The following ADK variants were observed in gnomAD, a reference collection of about 807,000 sequenced individuals.
The protein encoded by ADK is adenosine kinase, also known as N6,N6-dimethyladenosine kinase.
A neutral mutation model predicts 44.7 loss-of-function variants in ADK; 24 were observed. The observed-to-expected ratio is 0.54, with a 90% CI of 0.39 to 0.76. The LOEUF (loss-of-function observed/expected upper bound fraction) is 0.76, where lower values mean the gene tolerates loss of function less well. Ranked by LOEUF, ADK falls within the 30% of genes least tolerant of loss-of-function variation. ADK has a pLI of 0.00. For missense variants in ADK, 321 were observed against 425.1 expected (o/e 0.76, Z 2.15); for synonymous variants, 128 against 142.6 (o/e 0.90, Z 0.73).
intron 7 of ADK, among the ~76,000 whole-genome samples, chr10:74,539,020 G>T (rs1849544111): frequency 6.6e-6 from 1 of 151,912 alleles, no homozygotes; most frequent in Non-Finnish European, 1.5e-5. Context: ...TCTTCTTTTG[G>T]TTAAGAGCCT....
chr10:74,177,938 TATATATA>T (rs1276784610), intron 1 of ADK, among the ~76,000 whole-genome samples: 1 of 95,464 alleles, frequency 1.0e-5, no homozygotes, highest in African/African-American at 4.1e-5. Flanking sequence ...TATATATATA[TATATATA>T]TTTTTTTTTT....
intron 6 of ADK, among the ~76,000 whole-genome samples, chr10:74,482,467 C>T (rs1392728389): frequency 6.6e-6 from 1 of 152,120 alleles, no homozygotes; most frequent in Admixed American, 6.6e-5. Flanking sequence ...AGAACTAAAC[C>T]ATATCATTCT....
At chr10:74,188,546 G>A (rs1457378544) in intron 1 of ADK, among the ~76,000 whole-genome samples, 1 of 151,554 alleles carries the variant, frequency 6.6e-6, no homozygotes, top group Non-Finnish European at 1.5e-5. Flanking sequence ...CAGAGACGGG[G>A]TTTCACCGTG....
intron 3 of ADK, among the ~76,000 whole-genome samples, chr10:74,279,345 T>G (rs569686001): frequency 2.0e-5 from 3 of 151,798 alleles, no homozygotes; most frequent in Admixed American, 6.6e-5. Context: ...ATCCCAGCAC[T>G]TTGGGAGGCT....
chr10:74,331,123 A>G (rs926704237), intron 4 of ADK, among the ~76,000 whole-genome samples: 5 of 152,166 alleles, frequency 3.3e-5, no homozygotes, highest in African/African-American at 1.2e-4. Flanking sequence ...TGCAGCTAAT[A>G]TTTTACACCC....
At chr10:74,612,221 A>T (rs1852580196) in intron 9 of ADK, among the ~76,000 whole-genome samples, 1 of 152,122 alleles carries the variant, frequency 6.6e-6, no homozygotes, top group Non-Finnish European at 1.5e-5. Flanking sequence ...ATTATTAGTG[A>T]TGTGGAACAT....
At chr10:74,682,250 G>T (rs532229927) in intron 10 of ADK, among the ~76,000 whole-genome samples, 2 of 152,250 alleles carry the variant, frequency 1.3e-5, no homozygotes, top group East Asian at 3.9e-4. Flanking sequence ...TGGGCTTTTG[G>T]TTTTGTTTTT....
chr10:74,617,253 A>G (rs16931538), intron 9 of ADK, among the ~76,000 whole-genome samples: 3,104 of 152,262 alleles, frequency 0.02, 111 homozygotes, highest in African/African-American at 0.069. Flanking sequence ...CTTATTCCCG[A>G]TATCAGTTGA....
At chr10:74,525,551 T>C in intron 7 of ADK, 125 bp downstream of exon 7, 11 of 861,772 alleles carry the variant, frequency 1.3e-5, no homozygotes, top group Non-Finnish European at 1.9e-5. Context: ...TCCTTGAGAA[T>C]TGTGCAACAA....
At chr10:74,531,649 T>A (rs919684233) in intron 7 of ADK, among the ~76,000 whole-genome samples, 3 of 152,052 alleles carry the variant, frequency 2.0e-5, no homozygotes, top group Non-Finnish European at 4.4e-5. Context: ...TCCTCCTACC[T>A]CAACCTCCCG....
chr10:74,539,331 T>A (rs896447266), intron 7 of ADK, among the ~76,000 whole-genome samples: 6 of 152,168 alleles, frequency 3.9e-5, no homozygotes, highest in African/African-American at 1.4e-4. Context: ...CCTGGCCAAG[T>A]CTAATTCTTT....
At chr10:74,205,699 ATGTAATTAGAGTAATTCACTATAGT>A in intron 2 of ADK, among the ~76,000 whole-genome samples, 1 of 151,390 alleles carries the variant, frequency 6.6e-6, no homozygotes, top group African/African-American at 2.4e-5. Flanking sequence ...AAAAAAAGAA[ATGTAATTAGAGTAATTCACTATAGT>A]AAGAAACTAA....
At chr10:74,204,981 A>C (rs998866275) in intron 2 of ADK, among the ~76,000 whole-genome samples, 1 of 136,940 alleles carries the variant, frequency 7.3e-6, no homozygotes, top group African/African-American at 2.7e-5. Context: ...CAGAGGTTGC[A>C]GTGAGCTGAA....
intron 3 of ADK, among the ~76,000 whole-genome samples, chr10:74,249,930 A>C (rs143186891): frequency 2.6e-5 from 4 of 152,310 alleles, no homozygotes; most frequent in African/African-American, 9.6e-5. Flanking sequence ...TCCTGCACTC[A>C]TAGTTTATAC....
chr10:74,593,095 TGTTCTTCACAAATATAA>T (rs1851776701), intron 8 of ADK, among the ~76,000 whole-genome samples: 1 of 151,646 alleles, frequency 6.6e-6, no homozygotes. Context: ...TAGGTTCCTG[TGTTCTTCACAAATATAA>T]ATAGTGCAAT....
chr10:74,157,521 T>A (rs2132030355), intron 1 of ADK, among the ~76,000 whole-genome samples: 1 of 150,682 alleles, frequency 6.6e-6, no homozygotes, highest in East Asian at 1.9e-4. Context: ...CCAGACAAAT[T>A]TGAAGGGAAA....
At chr10:74,236,871 TA>T (rs1469247327) in intron 3 of ADK, among the ~76,000 whole-genome samples, 3 of 152,186 alleles carry the variant, frequency 2.0e-5, no homozygotes, top group Admixed American at 6.5e-5. Context: ...ACATTGTATA[TA>T]AAAATGTATA....
At chr10:74,607,399 T>C (rs1852362915) in intron 9 of ADK, among the ~76,000 whole-genome samples, 1 of 152,236 alleles carries the variant, frequency 6.6e-6, no homozygotes, top group African/African-American at 2.4e-5. Context: ...TAGTGCTTCC[T>C]TCAGGAGCTC....
chr10:74,437,982 A>G (rs1439054372), intron 6 of ADK, among the ~76,000 whole-genome samples: 1 of 152,026 alleles, frequency 6.6e-6, no homozygotes, highest in Non-Finnish European at 1.5e-5. Flanking sequence ...CTAAGGGCTG[A>G]CTCATGTATA....
Sources: allele counts gnomAD v4.1 joint callset (sites outside exome capture counted in the v4.1 genomes callset), GRCh38; gene constraint gnomAD v4.1.1; transcripts MANE v1.5; gene names NCBI Gene and HGNC (gene_info 2026-07-23, HGNC 2026-07-21).